NBPF15: variants seen among roughly 807,000 people sequenced by gnomAD.
The protein encoded by NBPF15 is NBPF member 15, also known as NBPF family member NBPF15.
A neutral mutation model predicts 62.2 loss-of-function variants in NBPF15; 74 were observed. The observed-to-expected ratio is 1.19, with a 90% CI of 0.99 to 1.44. The LOEUF (loss-of-function observed/expected upper bound fraction) is 1.44. Among genes scored for constraint, NBPF15 ranks in the 40% most tolerant of loss-of-function variants. The pLI, the probability that NBPF15 is intolerant of heterozygous loss-of-function variation, is 0.00. For missense variants in NBPF15, 790 were observed against 550.0 expected (o/e 1.44, Z -4.36); for synonymous variants, 244 against 209.7 (o/e 1.16, Z -1.41).
At chr1:144,431,379 G>T (rs1235659692) in intron 13 of NBPF15, among the ~76,000 whole-genome samples, 10 of 149,894 alleles carry the variant, frequency 6.7e-5, no homozygotes, top group African/African-American at 2.0e-4. Flanking sequence ...AGATCTCTTG[G>T]CACAAACCCT....
At chr1:144,456,237 G>T (rs1376930239) in intron 4 of NBPF15, among the ~76,000 whole-genome samples, 1 of 147,782 alleles carries the variant, frequency 6.8e-6, no homozygotes, top group Non-Finnish European at 1.5e-5. Context: ...AGAATGGGGG[G>T]TAAGAGGGGA....
intron 17 of NBPF15, among the ~76,000 whole-genome samples, chr1:144,426,654 G>A (rs1553539323): frequency 6.6e-6 from 1 of 151,014 alleles, no homozygotes; most frequent in Non-Finnish European, 1.5e-5. Flanking sequence ...GAGAGGGAGA[G>A]AGAGAGAGAG....
chr1:144,431,613 G>T (rs1372958660), intron 13 of NBPF15, among the ~76,000 whole-genome samples: 1 of 133,514 alleles, frequency 7.5e-6, no homozygotes. Context: ...TTTAACATTA[G>T]GTATATCTCC....
chr1:144,456,331 C>T lies in NBPF15; in HGVS notation c.-432+206G>A, dbSNP rs868916572. On this transcript the variant is annotated intron_variant, in intron 4 of 21. Coordinates refer to ENST00000581897, the MANE Select transcript of NBPF15 (RefSeq NM_001385408.1). ...TCCTCTCCTGAGGTAAAATCACTTC[C>T]ACCTGACGACGGCACTGCAGGTCGA... 2.0e-5 allele frequency among the ~76,000 whole-genome samples: 3 copies of T among 152,130 alleles called. No individual in the cohort carries two copies. The East Asian group carries it at 5.8e-4, about 29-fold the overall frequency.
intron 4 of NBPF15, among the ~76,000 whole-genome samples, chr1:144,452,271 G>A (rs1163103649): frequency 6.6e-6 from 1 of 151,844 alleles, no homozygotes; most frequent in Non-Finnish European, 1.5e-5. Flanking sequence ...GTGCTCACCA[G>A]ACAAGGTTTG....
chr1:144,424,397 A>G (rs1350048910), intron 20 of NBPF15, among the ~76,000 whole-genome samples: 2 of 146,510 alleles, frequency 1.4e-5, no homozygotes, highest in Non-Finnish European at 3.1e-5. Flanking sequence ...CAAACCCTTG[A>G]GTCAAAATCA....
At chr1:144,449,453 C>T (rs1404154869) in intron 5 of NBPF15, among the ~76,000 whole-genome samples, 2 of 149,006 alleles carry the variant, frequency 1.3e-5, no homozygotes, top group African/African-American at 4.9e-5. Context: ...TCTATCAATA[C>T]AAGAATGGAT....
At chr1:144,455,076 G>A (rs1693541048) in intron 4 of NBPF15, among the ~76,000 whole-genome samples, 1 of 147,358 alleles carries the variant, frequency 6.8e-6, no homozygotes, top group Non-Finnish European at 1.5e-5. Flanking sequence ...AAGAATGGAG[G>A]GAGGGAAGGA....
At position 144,422,840 on chromosome 1, in the gene NBPF15, C is replaced by A; in HGVS notation, c.*173G>T. Reference sequence around the variant, plus strand: ...GTCACACCTAACATGGGTCCATTGTCTTCAGATTGAGCACAGGTTGCCAAT... The same window carrying A: ...GTCACACCTAACATGGGTCCATTGTATTCAGATTGAGCACAGGTTGCCAAT... On this transcript the variant is annotated 3_prime_UTR_variant, in exon 22 of 22. Transcript: ENST00000581897. 6.6e-7 allele frequency: 1 copy of A among 1,518,570 alleles called. No homozygotes were observed. The highest frequency in any genetic ancestry group is 8.9e-7 in the Non-Finnish European group (1 of 1,119,792). 94.1% of individuals were successfully genotyped at this position (1,518,570 alleles called of 1,614,324 possible).
chr1:144,442,229 T>A (rs1683901007), intron 6 of NBPF15, among the ~76,000 whole-genome samples: 1 of 116,336 alleles, frequency 8.6e-6, no homozygotes, highest in Non-Finnish European at 1.7e-5. Context: ...ATATATATAT[T>A]AATAATATAT....
intron 6 of NBPF15, among the ~76,000 whole-genome samples, chr1:144,447,661 A>G (rs1688545781): frequency 6.6e-6 from 1 of 152,150 alleles, no homozygotes; most frequent in African/African-American, 2.4e-5. Context: ...TAATAATGCC[A>G]GGTGACACTA....
At chr1:144,424,923 A>G in intron 19 of NBPF15, 61 bp from the exon 20 acceptor site, 1 of 517,072 alleles carries the variant, frequency 1.9e-6, no homozygotes, top group Non-Finnish European at 3.4e-6. Context: ...CAGAGCCCCA[A>G]CTAGGTTTCA....
At position 144,439,953 on chromosome 1, in the gene NBPF15, A is replaced by G; in HGVS notation, c.51T>C (p.Ile17=). ...GGCGCAATTTCTCATTGATTTCTAG[A>G]ATGTTCATCTCTGCCTTCTCGCTGG... ...PLSSEKAEMN[I]LEINEKLRPQ... Residue 17 remains isoleucine, a synonymous_variant, in exon 8 of 22, where the codon ATT becomes ATC. Transcript: ENST00000581897. The G allele has an allele frequency of 6.2e-7, 1 of 1,610,852 alleles. No individual in the cohort carries two copies. The highest frequency in any genetic ancestry group is 8.5e-7 in the Non-Finnish European group (1 of 1,178,716).
chr1:144,455,835 C>T (rs1486412891), intron 4 of NBPF15, among the ~76,000 whole-genome samples: 2 of 151,992 alleles, frequency 1.3e-5, no homozygotes, highest in South Asian at 2.1e-4. Context: ...GTTATGGGGT[C>T]TCTAGCCCAG....
intron 20 of NBPF15, among the ~76,000 whole-genome samples, chr1:144,424,178 C>A (rs1420898510): frequency 6.6e-6 from 1 of 151,928 alleles, no homozygotes; most frequent in East Asian, 1.9e-4. Context: ...GTAAAGTGTC[C>A]CTATTCTAGT....
At position 144,429,804 on chromosome 1, in the gene NBPF15, GAAT is replaced by G; in HGVS notation, c.881_883del (p.Tyr294del). The G allele has an allele frequency of 1.6e-6, 1 of 612,036 alleles. No homozygotes were observed. Among genetic ancestry groups the G allele is most frequent in the South Asian group, 2.0e-5 (1 of 51,238 alleles). The allele number at this position is 612,036 out of a possible 1,614,324, so 37.9% of individuals were successfully genotyped here. A position where few individuals can be genotyped will look rare whatever the true frequency, so the allele number is the denominator to read the frequency against. ...CATTTCAGGAGGAATTGAGAGAGTCGAATAACCTTCATCCCAGGACTCCTGGGG... is the reference window on the plus strand; with the variant it reads ...CATTTCAGGAGGAATTGAGAGAGTCGAACCTTCATCCCAGGACTCCTGGGG... On this transcript the variant is annotated inframe_deletion, in exon 14 of 22. Coordinates refer to ENST00000581897, the MANE Select transcript of NBPF15 (RefSeq NM_001385408.1).
rs1676456827 is a variant in NBPF15 at position 144,434,130 on chromosome 1, G to C, written c.773-306C>G. On this transcript the variant is annotated intron_variant, in intron 12 of 21. Coordinates refer to ENST00000581897, the MANE Select transcript of NBPF15 (RefSeq NM_001385408.1). ...AAAAATTGGTCAAACAATTTTCTAA[G>C]AGTGTTGCTGCAATACGGACTTATA... 2.0e-5 allele frequency among the ~76,000 whole-genome samples: 3 copies of C among 150,150 alleles called. No homozygotes were observed. In the South Asian group the frequency reaches 6.3e-4, roughly 32 times the overall value.
intron 17 of NBPF15, 122 bp from the exon 18 acceptor site, chr1:144,426,572 A>T: frequency 2.8e-6 from 2 of 717,648 alleles, no homozygotes; most frequent in Non-Finnish European, 5.2e-6. Flanking sequence ...TCCATTAATG[A>T]GGTAATGAAT....
At position 144,453,638 on chromosome 1, in the gene NBPF15, CA is replaced by C. The variant is rs200525708; in HGVS notation, c.-431-2769del. ...ATTCTGAGAACTAAACAACACAAAG[CA>C]AAAAAAAAAAAAAAAAAAAAAAAGT... On this transcript the variant is annotated intron_variant, in intron 4 of 21. Coordinates refer to ENST00000581897, the MANE Select transcript of NBPF15 (RefSeq NM_001385408.1). Among the ~76,000 whole-genome samples the C allele has an allele frequency of 8.8e-3, 319 of 36,332 alleles. 1 individual carries two copies. The highest frequency in any genetic ancestry group is 0.01 in the African/African-American group (159 of 15,342). The allele number at this position is 36,332 out of a possible 152,430, so 23.8% of individuals were successfully genotyped here.
Sources: gnomAD v4.1 joint callset for allele counts (sites outside exome capture counted in the v4.1 genomes callset) on GRCh38, gnomAD v4.1.1 for gene constraint, MANE v1.5 for transcripts, NCBI Gene and HGNC (gene_info 2026-07-23, HGNC 2026-07-21) for gene names.